Variants in RAD54L2 observed in about 807,000 individuals in gnomAD.
RAD54L2 encodes helicase ARIP4.
A neutral mutation model predicts 138.4 loss-of-function variants in RAD54L2; 27 were observed. That is an observed-to-expected ratio of 0.20 (90% CI 0.14 to 0.27). RAD54L2 has a LOEUF of 0.27. Ranked by LOEUF, RAD54L2 falls within the 10% of genes least tolerant of loss-of-function variation. The pLI is 1.00. For missense variants in RAD54L2, 1,396 were observed against 1,890.2 expected (o/e 0.74, Z 4.85); for synonymous variants, 644 against 723.2 (o/e 0.89, Z 1.76).
At chr3:51,647,362 C>T (rs756259460) in intron 19 of RAD54L2, among the ~76,000 whole-genome samples, 8 of 152,122 alleles carry the variant, frequency 5.3e-5, no homozygotes, top group Admixed American at 2.6e-4. Flanking sequence ...ATCACCATGC[C>T]TGGCTAATTA....
At chr3:51,586,585 T>G (rs1577404866) in intron 2 of RAD54L2, among the ~76,000 whole-genome samples, 1 of 151,266 alleles carries the variant, frequency 6.6e-6, no homozygotes, top group South Asian at 2.1e-4. Context: ...TTTTTTTTTT[T>G]GAGATGGAGT....
At position 51,541,651 on chromosome 3, in the gene RAD54L2, G is replaced by A. The variant is rs1553671339; in HGVS notation, c.-55+1G>A. ...TTGGAACAGGAGGAGTAAGATTGAG[G>A]TAAGGCTCAGTCTGTTTGAAAGTCA... On this transcript the variant is annotated splice_donor_variant, in intron 2 of 22. Transcript: ENST00000684192. LOFTEE classifies it low-confidence loss of function (5UTR_SPLICE). 6.6e-6 allele frequency: 1 copy of A among 152,170 alleles called. No individual in the cohort carries two copies. The highest frequency in any genetic ancestry group is 2.4e-5 in the African/African-American group (1 of 41,438). The allele number at this position is 152,170 out of a possible 1,614,324, so 9.4% of individuals were successfully genotyped here.
intron 2 of RAD54L2, among the ~76,000 whole-genome samples, chr3:51,559,657 T>C (rs1699054403): frequency 6.6e-6 from 1 of 152,244 alleles, no homozygotes; most frequent in South Asian, 2.1e-4. Context: ...AAATTTTTAC[T>C]TAACTTTTGG....
chr3:51,666,972 A>G lies in RAD54L2; in HGVS notation c.*3552A>G, dbSNP rs1309094500. 6.6e-6 allele frequency: 1 copy of G among 152,240 alleles called. No homozygotes were observed. The highest frequency in any genetic ancestry group is 1.5e-5 in the Non-Finnish European group (1 of 68,060). 9.4% of individuals were successfully genotyped at this position (152,240 alleles called of 1,614,324 possible). On this transcript the variant is annotated 3_prime_UTR_variant, in exon 23 of 23. Transcript: ENST00000684192. ...GGGGTACAGTTTTGCAGATTGGTTG[A>G]AACACTTAGCCAAACTTAAGTGGCC...
rs1310596922 is a variant in RAD54L2 at position 51,590,526 on chromosome 3, T to C, written c.106T>C (p.Cys36Arg). Residue 36 changes from cysteine (C) to arginine (R), a missense_variant, in exon 3 of 23, where the codon TGT becomes CGT. By Grantham distance (180) the Cys-to-Arg change is radical. This residue lies in a region of RAD54L2 where 256 missense variants were observed against 344.6 expected (regional missense o/e 0.74). Coordinates refer to ENST00000684192, the MANE Select transcript of RAD54L2 (RefSeq NM_015106.4). ...GGAGGAGGAGGTGGCAGTGGAGGAG[T>C]GTGACAGGGATGATGAAGAAGACCT... ...EEEEEVAVEE[C>R]DRDDEEDLLD... 1 of 1,546,900 alleles carries C rather than the reference T, an allele frequency of 6.5e-7. No individual in the cohort carries two copies. Among genetic ancestry groups the C allele is most frequent in the Admixed American group, 2.0e-5 (1 of 50,518 alleles).
In RAD54L2 at chr3:51,565,868, A is replaced by G. The variant is rs895856525; in HGVS notation, c.-55+24218A>G. Among the ~76,000 whole-genome samples the G allele has an allele frequency of 2.5e-5, 3 of 119,744 alleles. No individual in the cohort carries two copies. The Admixed American group carries it at 3.5e-4, about 14-fold the overall frequency. The allele number at this position is 119,744 out of a possible 152,430, so 78.6% of individuals were successfully genotyped here. On this transcript the variant is annotated intron_variant, in intron 2 of 22. Transcript: ENST00000684192. Reference sequence around the variant, plus strand: ...TTTTGAGACGGAGTCTTGCTCTGTCACCCAGGCTGGAGTGCTGTGGCGCGA... The same window carrying G: ...TTTTGAGACGGAGTCTTGCTCTGTCGCCCAGGCTGGAGTGCTGTGGCGCGA...
In RAD54L2 at chr3:51,627,650, T is replaced by C. The variant is rs745963951; in HGVS notation, c.237T>C (p.Ser79=). 24 of 1,602,330 alleles carry C rather than the reference T, an allele frequency of 1.5e-5. No homozygotes were observed. The highest frequency in any genetic ancestry group is 2.0e-5 in the Non-Finnish European group (24 of 1,174,750). The change falls in exon 4 of 23, where the codon TCT becomes TCC. Residue 79 remains serine, a synonymous_variant. Coordinates refer to ENST00000684192, the MANE Select transcript of RAD54L2 (RefSeq NM_015106.4). ...PRCTSTTSSQ[S]EPSEQLRRHQ... Reference sequence around the variant, plus strand: ...GCACTTCAACTACCTCATCTCAGTCTGAGCCTTCAGAGCAGCTTAGGCGCC... The same window carrying C: ...GCACTTCAACTACCTCATCTCAGTCCGAGCCTTCAGAGCAGCTTAGGCGCC...
intron 2 of RAD54L2, among the ~76,000 whole-genome samples, chr3:51,554,624 C>T (rs1002319988): frequency 2.6e-5 from 4 of 152,158 alleles, no homozygotes; most frequent in Admixed American, 6.5e-5. Context: ...GCAAAGCCAT[C>T]GTTTGTGGTG....
Position 51,646,294 on chromosome 3 carries a change from G to T in RAD54L2, c.2839G>T (p.Glu947Ter). Residue 947 changes from glutamate (E) to a stop codon, truncating the protein, a stop_gained, in exon 19 of 23, where the codon GAG becomes TAG. Transcript: ENST00000684192. LOFTEE classifies it high-confidence loss of function. Reference sequence around the variant, plus strand: ...CCTCCTGTGTCCCCAGGAGCCTTTCGAGCATGAGTCATTGCTCTTGAACCG... The same window carrying T: ...CCTCCTGTGTCCCCAGGAGCCTTTCTAGCATGAGTCATTGCTCTTGAACCG... ...YPHLITKEPF[E>*]HESLLLNRKD... 1 of 1,586,090 alleles carries T rather than the reference G, an allele frequency of 6.3e-7. No individual in the cohort carries two copies. Among genetic ancestry groups the T allele is most frequent in the Non-Finnish European group, 8.6e-7 (1 of 1,166,508 alleles).
intron 2 of RAD54L2, among the ~76,000 whole-genome samples, chr3:51,567,170 G>C (rs948858401): frequency 6.6e-6 from 1 of 152,162 alleles, no homozygotes; most frequent in African/African-American, 2.4e-5. Context: ...AAGAGTATTA[G>C]TCTTGTGTTT....
intron 19 of RAD54L2, among the ~76,000 whole-genome samples, chr3:51,646,690 C>T (rs2042535218): frequency 1.3e-5 from 2 of 152,188 alleles, no homozygotes; most frequent in Non-Finnish European, 1.5e-5. Context: ...GAAAAGTGAG[C>T]TGCTGGCCCG....
At chr3:51,540,372 C>G (rs1264726347) in intron 1 of RAD54L2, among the ~76,000 whole-genome samples, 1 of 152,220 alleles carries the variant, frequency 6.6e-6, no homozygotes, top group Non-Finnish European at 1.5e-5. Flanking sequence ...AGGACATTGT[C>G]TTCACTAGAA....
intron 9 of RAD54L2, 35 bp downstream of exon 9, chr3:51,634,070 CT>C: frequency 6.2e-7 from 1 of 1,600,632 alleles, no homozygotes; most frequent in South Asian, 1.1e-5. Flanking sequence ...TGCCCCTTTC[CT>C]TTTAGACTTC....
intron 15 of RAD54L2, among the ~76,000 whole-genome samples, chr3:51,642,997 G>A (rs903115862): frequency 6.9e-6 from 1 of 144,980 alleles, no homozygotes; most frequent in African/African-American, 2.5e-5. Context: ...GATGACAAGT[G>A]TTGCCATTAC....
intron 2 of RAD54L2, among the ~76,000 whole-genome samples, chr3:51,556,130 T>C (rs527547603): frequency 6.6e-6 from 1 of 152,320 alleles, no homozygotes; most frequent in Non-Finnish European, 1.5e-5. Context: ...TTTTGTTTTT[T>C]CCTACATAAA....
chr3:51,645,399 C>G lies in RAD54L2; in HGVS notation c.2656+170C>G, dbSNP rs1701254037. On this transcript the variant is annotated intron_variant, in intron 17 of 22. Transcript: ENST00000684192. This position sits in a 1 kb window ranked among gnomAD's most constrained non-coding sequence, Gnocchi z 6.1. Reference sequence around the variant, plus strand: ...TTGCTTAAAAGGTAATTGACCTCAACTTGTTGAAGGTGAGTTTAATGATAA... The same window carrying G: ...TTGCTTAAAAGGTAATTGACCTCAAGTTGTTGAAGGTGAGTTTAATGATAA... Among the ~76,000 whole-genome samples, 1 of 152,202 alleles carries G rather than the reference C, an allele frequency of 6.6e-6. No individual in the cohort carries two copies. The highest frequency in any genetic ancestry group is 2.1e-4 in the South Asian group (1 of 4,824).
chr3:51,634,092 C>T, intron 9 of RAD54L2, 57 bp downstream of exon 9: 5 of 1,576,956 alleles, frequency 3.2e-6, no homozygotes, highest in Non-Finnish European at 4.3e-6. Flanking sequence ...TGTCCGTGAT[C>T]TGATGTTAAG....
intron 4 of RAD54L2, among the ~76,000 whole-genome samples, chr3:51,628,171 C>A (rs181968840): frequency 1.3e-5 from 2 of 152,142 alleles, no homozygotes; most frequent in Non-Finnish European, 2.9e-5. Flanking sequence ...AAGCAAGACT[C>A]CTTCTAAGAG....
intron 2 of RAD54L2, among the ~76,000 whole-genome samples, chr3:51,543,336 C>T (rs1459576946): frequency 1.3e-5 from 2 of 152,090 alleles, no homozygotes; most frequent in Admixed American, 6.6e-5. Flanking sequence ...TGGCCAGGCG[C>T]GGTGGCTCAC....
Sources: gnomAD v4.1 joint callset for allele counts (sites outside exome capture counted in the v4.1 genomes callset) on GRCh38, gnomAD v4.1.1 for gene constraint, gnomAD v4.1.1 regional missense constraint, Gnocchi (gnomAD v3.1) non-coding constraint, MANE v1.5 for transcripts, NCBI Gene and HGNC (gene_info 2026-07-23, HGNC 2026-07-21) for gene names.